C9: variants seen among roughly 807,000 people sequenced by gnomAD.
C9 encodes the protein complement C9.
In C9, 63 loss-of-function variants were observed where a neutral mutation model predicts 65.4. That is an observed-to-expected ratio of 0.96 (90% CI 0.79 to 1.19). The LOEUF is 1.19. Ranked by LOEUF, C9 falls within the 50% of genes most tolerant of loss-of-function variation. The pLI is 0.00. For synonymous variants in C9, 229 were observed against 227.9 expected (o/e 1.00, Z -0.04); for missense variants, 744 against 670.1 (o/e 1.11, Z -1.22).
intron 1 of C9, among the ~76,000 whole-genome samples, chr5:39,346,930 A>G (rs978967948): frequency 3.3e-5 from 5 of 152,224 alleles, no homozygotes; most frequent in Non-Finnish European, 7.3e-5. Context: ...CCACATGATT[A>G]TCTCAATAGA....
intron 5 of C9, among the ~76,000 whole-genome samples, chr5:39,330,347 G>A (rs1753818411): frequency 6.6e-6 from 1 of 152,182 alleles, no homozygotes; most frequent in South Asian, 2.1e-4. Context: ...AGGGAAAGCA[G>A]TGCTTCCTTT....
intron 1 of C9, among the ~76,000 whole-genome samples, chr5:39,348,272 C>T (rs1158945110): frequency 1.3e-5 from 2 of 152,134 alleles, no homozygotes; most frequent in African/African-American, 2.4e-5. Flanking sequence ...ATCTACTCAT[C>T]TGACAAAGGG....
At chr5:39,335,702 A>G (rs1006087218) in intron 4 of C9, among the ~76,000 whole-genome samples, 1 of 152,188 alleles carries the variant, frequency 6.6e-6, no homozygotes, top group African/African-American at 2.4e-5. Flanking sequence ...CCTGATGGGT[A>G]GAAAGGGAGG....
At chr5:39,361,933 C>A (rs934642439) in intron 1 of C9, among the ~76,000 whole-genome samples, 12 of 152,216 alleles carry the variant, frequency 7.9e-5, no homozygotes, top group African/African-American at 2.9e-4. Context: ...AATTCCAACC[C>A]TTCCGTCCTA....
intron 1 of C9, among the ~76,000 whole-genome samples, chr5:39,344,826 G>A (rs1070313): frequency 0.024 from 3,704 of 152,188 alleles, 161 homozygotes; most frequent in African/African-American, 0.085. Flanking sequence ...CAGATCTCTC[G>A]GCAGAAACTC....
At chr5:39,354,581 G>T (rs1426534320) in intron 1 of C9, among the ~76,000 whole-genome samples, 5 of 152,104 alleles carry the variant, frequency 3.3e-5, no homozygotes, top group African/African-American at 1.2e-4. Flanking sequence ...AACCACCATA[G>T]ACCTAAAATT....
intron 1 of C9, among the ~76,000 whole-genome samples, chr5:39,346,381 T>A (rs1486083604): frequency 6.6e-6 from 1 of 152,158 alleles, no homozygotes; most frequent in Non-Finnish European, 1.5e-5. Context: ...CATCAGAGAA[T>A]ACTATAAATA....
chr5:39,351,316 G>C (rs768970180), intron 1 of C9, among the ~76,000 whole-genome samples: 3 of 152,170 alleles, frequency 2.0e-5, no homozygotes, highest in Admixed American at 2.0e-4. Flanking sequence ...AAATGCCCTG[G>C]AGGCATTTTC....
chr5:39,316,508 C>T (rs116797948), intron 5 of C9, among the ~76,000 whole-genome samples: 2,653 of 152,194 alleles, frequency 0.017, 46 homozygotes, highest in Non-Finnish European at 0.023. Context: ...GTCACCCCTA[C>T]CCCCAACAGG....
At chr5:39,330,772 G>A (rs1753825835) in intron 5 of C9, among the ~76,000 whole-genome samples, 1 of 152,134 alleles carries the variant, frequency 6.6e-6, no homozygotes, top group Admixed American at 6.5e-5. Flanking sequence ...AAAAAAACAT[G>A]CCAGTCAAAT....
At chr5:39,361,514 A>G (rs1232491126) in intron 1 of C9, among the ~76,000 whole-genome samples, 1 of 152,226 alleles carries the variant, frequency 6.6e-6, no homozygotes, top group Non-Finnish European at 1.5e-5. Context: ...TGTGCTAAGC[A>G]TGTTGTCTTT....
At chr5:39,288,256 A>G (rs371887744) in intron 10 of C9, among the ~76,000 whole-genome samples, 1 of 151,704 alleles carries the variant, frequency 6.6e-6, no homozygotes, top group African/African-American at 2.4e-5. Flanking sequence ...AGGCAATAGA[A>G]TTTTTTTGGG....
intron 4 of C9, among the ~76,000 whole-genome samples, chr5:39,334,547 G>T (rs530546204): frequency 7.6e-6 from 1 of 130,930 alleles, no homozygotes; most frequent in Non-Finnish European, 1.5e-5. Context: ...CAGGCCAGCC[G>T]CCCCGTCCGG....
In C9 at chr5:39,313,031, A is replaced by G. The variant is rs78217117; in HGVS notation, c.871-1654T>C. Among the ~76,000 whole-genome samples the G allele has an allele frequency of 7.9e-3, 1,205 of 152,300 alleles. 12 individuals carry two copies. The highest frequency in any genetic ancestry group is 0.027 in the African/African-American group (1,143 of 41,568). Reference sequence around the variant, plus strand: ...TTCAGTTTTGCTAAAACTGGGAGGTATATCTTGGGATTTGGGGTAAGAAAG... The same window carrying G: ...TTCAGTTTTGCTAAAACTGGGAGGTGTATCTTGGGATTTGGGGTAAGAAAG... On this transcript the variant is annotated intron_variant, in intron 6 of 10. Transcript: ENST00000263408.
chr5:39,326,733 T>C (rs535544704), intron 5 of C9, among the ~76,000 whole-genome samples: 53 of 152,306 alleles, frequency 3.5e-4, no homozygotes, highest in African/African-American at 1.3e-3. Context: ...AACATCAACA[T>C]AGGACAAATA....
chr5:39,322,437 C>A (rs1195803158), intron 5 of C9, among the ~76,000 whole-genome samples: 1 of 151,716 alleles, frequency 6.6e-6, no homozygotes, highest in Non-Finnish European at 1.5e-5. Context: ...AACTGAAGGG[C>A]AAACTAAGCT....
intron 7 of C9, among the ~76,000 whole-genome samples, chr5:39,308,618 T>A (rs1309690392): frequency 6.6e-6 from 1 of 152,176 alleles, no homozygotes; most frequent in East Asian, 1.9e-4. Flanking sequence ...CAGACTATGG[T>A]GGTTATAGTA....
chr5:39,288,952 C>T lies in C9; in HGVS notation c.1417-1G>A, dbSNP rs770676070. 1 of 1,543,300 alleles carries T rather than the reference C, an allele frequency of 6.5e-7. No individual in the cohort carries two copies. The highest frequency in any genetic ancestry group is 2.2e-5 in the East Asian group (1 of 44,450). On this transcript the variant is annotated splice_acceptor_variant, in intron 9 of 10. Coordinates refer to ENST00000263408, the MANE Select transcript of C9 (RefSeq NM_001737.5). LOFTEE classifies it high-confidence loss of function. The stretch of plus-strand genomic sequence containing the variant: ...GAACCAGATTATATATAGGAGACAG[C>T]TGAAAGGAAGCAAAACATTTAATTT...
At chr5:39,349,276 T>C (rs569571634) in intron 1 of C9, among the ~76,000 whole-genome samples, 2 of 152,250 alleles carry the variant, frequency 1.3e-5, no homozygotes, top group South Asian at 4.1e-4. Context: ...ATTCATTGAA[T>C]ATCTCCTTCC....
Sources: gnomAD v4.1 joint callset for allele counts (sites outside exome capture counted in the v4.1 genomes callset) on GRCh38, gnomAD v4.1.1 for gene constraint, MANE v1.5 for transcripts, NCBI Gene and HGNC (gene_info 2026-07-23, HGNC 2026-07-21) for gene names.